The following HERC6 variants were observed in gnomAD, a reference collection of about 807,000 sequenced individuals.
HERC6 encodes the protein probable E3 ubiquitin-protein ligase HERC6.
A neutral mutation model predicts 114.5 loss-of-function variants in HERC6; 101 were observed. That is an observed-to-expected ratio of 0.88 (90% confidence interval 0.75 to 1.04). The LOEUF (loss-of-function observed/expected upper bound fraction) is 1.04. Ranked by LOEUF, HERC6 falls within the 50% of genes least tolerant of loss-of-function variation. The pLI, the probability that HERC6 is intolerant of heterozygous loss-of-function variation, is 0.00. For missense variants in HERC6, 1,133 were observed against 1,230.9 expected (o/e 0.92, Z 1.19); for synonymous variants, 408 against 436.2 (o/e 0.94, Z 0.81).
At chr4:88,428,431 T>C (rs1737847723) in intron 15 of HERC6, 149 bp from the exon 16 acceptor site, 1 of 580,344 alleles carries the variant, frequency 1.7e-6, no homozygotes, top group Admixed American at 4.0e-5. Flanking sequence ...ATATGTTGTC[T>C]GTTTTCTTAA....
At chr4:88,391,537 C>G (rs1269137795) in intron 4 of HERC6, among the ~76,000 whole-genome samples, 1 of 152,200 alleles carries the variant, frequency 6.6e-6, no homozygotes, top group Admixed American at 6.5e-5. Context: ...ACCATAGGAT[C>G]CTTTAAAAAT....
intron 1 of HERC6, among the ~76,000 whole-genome samples, chr4:88,382,438 A>G (rs1734371023): frequency 6.6e-6 from 1 of 152,094 alleles, no homozygotes; most frequent in African/African-American, 2.4e-5. Context: ...TGAGCAAGGG[A>G]TTCACTGCTT....
chr4:88,403,023 T>C (rs1375189909), intron 8 of HERC6, among the ~76,000 whole-genome samples: 1 of 152,214 alleles, frequency 6.6e-6, no homozygotes, highest in Non-Finnish European at 1.5e-5. Flanking sequence ...TCATAACAAG[T>C]GCAGTGGAGG....
At chr4:88,405,140 T>C in intron 9 of HERC6, 143 bp downstream of exon 9, 1 of 983,534 alleles carries the variant, frequency 1.0e-6, no homozygotes, top group South Asian at 1.6e-5. Flanking sequence ...TTAGTGTGAC[T>C]AGGTCATCAG....
chr4:88,394,183 T>G (rs1331712288), intron 5 of HERC6, among the ~76,000 whole-genome samples: 1 of 152,070 alleles, frequency 6.6e-6, no homozygotes, highest in African/African-American at 2.4e-5. Context: ...ACCTACTAAA[T>G]TAGGTTAATA....
Position 88,442,796 on chromosome 4 carries a change from C to T in HERC6, c.*336C>T. On this transcript the variant is annotated 3_prime_UTR_variant, in exon 23 of 23. Transcript: ENST00000264346. Reference sequence around the variant, plus strand: ...GCCTCTGATTGGCCATGGGCCAGACCTGCACTCTGGCCAATGATTGGTTCA... The same window carrying T: ...GCCTCTGATTGGCCATGGGCCAGACTTGCACTCTGGCCAATGATTGGTTCA... 1 of 307,726 alleles carries T rather than the reference C, an allele frequency of 3.2e-6. No individual in the cohort carries two copies. Among genetic ancestry groups the T allele is most frequent in the Non-Finnish European group, 6.2e-6 (1 of 162,302 alleles). The allele number at this position is 307,726 out of a possible 1,614,324, so 19.1% of individuals were successfully genotyped here. A position where few individuals can be genotyped will look rare whatever the true frequency, so the allele number is the denominator to read the frequency against.
chr4:88,423,251 G>A (rs1737254336), intron 13 of HERC6, among the ~76,000 whole-genome samples: 1 of 151,788 alleles, frequency 6.6e-6, no homozygotes, highest in Non-Finnish European at 1.5e-5. Flanking sequence ...AGATCATTTA[G>A]ATCACTGATG....
rs369219414 is a variant in HERC6, at chr4:88,396,124, C to T, written c.869C>T (p.Ser290Leu). Reference sequence around the variant, plus strand: ...GTGGAAAGAATTGATGGCCTAGTTTCGCAGATAGATTGTGGAAGGTAATAG... The same window carrying T: ...GTGGAAAGAATTGATGGCCTAGTTTTGCAGATAGATTGTGGAAGGTAATAG... ...QLVERIDGLV[S>L]QIDCGSYHTL... Residue 290 changes from serine to leucine, a missense_variant, in exon 6 of 23, where the codon TCG (serine) becomes TTG (leucine). Ser to Leu is a moderately radical substitution (Grantham distance 145). This residue lies in a region of HERC6 where 735 missense variants were observed against 754.0 expected (regional missense o/e 0.97). Transcript: ENST00000264346. 84 of 1,599,490 alleles carry T rather than the reference C, an allele frequency of 5.3e-5. No homozygotes were observed. The highest frequency in any genetic ancestry group is 1.7e-4 in the Middle Eastern group (1 of 6,036).
intron 12 of HERC6, among the ~76,000 whole-genome samples, chr4:88,415,589 A>G (rs17014133): frequency 0.012 from 1,794 of 152,310 alleles, 39 homozygotes; most frequent in African/African-American, 0.041. Flanking sequence ...CGGTCTGCAT[A>G]CTTTCCAACC....
intron 12 of HERC6, among the ~76,000 whole-genome samples, chr4:88,416,475 T>C (rs1225491586): frequency 1.3e-5 from 2 of 152,108 alleles, no homozygotes; most frequent in African/African-American, 4.8e-5. Flanking sequence ...ATTTTTGCTA[T>C]GCAGAATTAT....
intron 22 of HERC6, among the ~76,000 whole-genome samples, chr4:88,441,009 C>T (rs1171339845): frequency 6.6e-6 from 1 of 152,052 alleles, no homozygotes; most frequent in African/African-American, 2.4e-5. Flanking sequence ...GGCTCCCTAC[C>T]TTCTAGACCA....
intron 7 of HERC6, among the ~76,000 whole-genome samples, chr4:88,397,796 AG>A (rs1735325859): frequency 6.6e-6 from 1 of 152,248 alleles, no homozygotes; most frequent in Admixed American, 6.5e-5. Flanking sequence ...ATAAAGTGAA[AG>A]CAAGTTTATT....
intron 17 of HERC6, among the ~76,000 whole-genome samples, chr4:88,432,126 T>TC: frequency 6.6e-6 from 1 of 152,296 alleles, no homozygotes; most frequent in African/African-American, 2.4e-5. Flanking sequence ...GAAATTCCAC[T>TC]CATAAGTATT....
At chr4:88,429,747 C>T (rs1447443254) in intron 16 of HERC6, among the ~76,000 whole-genome samples, 3 of 152,250 alleles carry the variant, frequency 2.0e-5, no homozygotes, top group East Asian at 3.9e-4. Flanking sequence ...CATGTGACTC[C>T]AATGGAAAAC....
rs1735212045 is a variant in HERC6, at chr4:88,396,042, A to T, written c.787A>T (p.Asn263Tyr). 6.2e-7 allele frequency: 1 copy of T among 1,603,172 alleles called. No individual in the cohort carries two copies. The highest frequency in any genetic ancestry group is 1.1e-5 in the South Asian group (1 of 89,340). ...QDGKVFTFGD[N>Y]RSGQLGYSPT... The stretch of plus-strand genomic sequence containing the variant: ...CGGGAAAGTGTTCACATTTGGAGAC[A>T]ATCGCTCTGGACAGCTGGGATACAG... Residue 263 changes from asparagine to tyrosine, a missense_variant, in exon 6 of 23, where the codon AAT becomes TAT. Asn to Tyr is a moderately radical substitution (Grantham distance 143). Transcript: ENST00000264346.
In HERC6 at chr4:88,398,308, T is replaced by G. The variant is rs185229890; in HGVS notation, c.1092+99T>G. ...TATTATTCATACATATTCAGGTCTTTTACTAAAACAATAAGGTCCTATATT... is the reference window on the plus strand; with the variant it reads ...TATTATTCATACATATTCAGGTCTTGTACTAAAACAATAAGGTCCTATATT... On this transcript the variant is annotated intron_variant, in intron 8 of 22. Transcript: ENST00000264346. The G allele has an allele frequency of 8.6e-6, 5 of 580,722 alleles. No homozygotes were observed. The East Asian group carries it at 1.7e-4, about 20-fold the overall frequency. 36.0% of individuals were successfully genotyped at this position (580,722 alleles called of 1,614,324 possible).
rs1354525277 is a variant in HERC6 at position 88,385,008 on chromosome 4, G to A, written c.360-491G>A. Among the ~76,000 whole-genome samples, 5 of 148,002 alleles carry A rather than the reference G, an allele frequency of 3.4e-5. No individual in the cohort carries two copies. In the South Asian group the frequency reaches 1.1e-3, roughly 33 times the overall value. On this transcript the variant is annotated intron_variant, in intron 2 of 22. Transcript: ENST00000264346. Reference sequence around the variant, plus strand: ...ACTGCCCTCCAGCCTGGGTGACAGAGCAAGACTCCGTCTGTGAAAAAAAAA... The same window carrying A: ...ACTGCCCTCCAGCCTGGGTGACAGAACAAGACTCCGTCTGTGAAAAAAAAA...
intron 1 of HERC6, among the ~76,000 whole-genome samples, chr4:88,379,789 T>TATAAATATATATATAAC (rs1734091754): frequency 6.1e-5 from 5 of 82,266 alleles, no homozygotes; most frequent in African/African-American, 9.6e-5. Context: ...ATATATAACA[T>TATAAATATATATATAAC]ATAAATATAT....
At chr4:88,412,055 C>T (rs1402247703) in intron 11 of HERC6, among the ~76,000 whole-genome samples, 2 of 152,218 alleles carry the variant, frequency 1.3e-5, no homozygotes, top group Non-Finnish European at 2.9e-5. Flanking sequence ...GATTTTACTA[C>T]TATGGTAGTG....
Sources: allele counts gnomAD v4.1 joint callset (sites outside exome capture counted in the v4.1 genomes callset), GRCh38; gene constraint gnomAD v4.1.1; regional missense constraint gnomAD v4.1.1; transcripts MANE v1.5; gene names NCBI Gene and HGNC (gene_info 2026-07-23, HGNC 2026-07-21).